The following RP1 variants were observed in gnomAD, a reference collection of about 807,000 sequenced individuals.
The protein encoded by RP1 is RP1 axonemal microtubule associated.
A neutral mutation model predicts 14.8 loss-of-function variants in RP1; 16 were observed. The observed-to-expected ratio is 1.08, with a 90% CI of 0.73 to 1.65. RP1 has a LOEUF of 1.65. Among genes scored for constraint, RP1 ranks in the 40% most tolerant of loss-of-function variants. The pLI, the probability that RP1 is intolerant of heterozygous loss-of-function variation, is 0.00. For missense variants in RP1, 2,631 were observed against 2,535.0 expected, an observed-to-expected ratio of 1.04 and a Z score of -0.81; for synonymous variants, 876 against 883.6, an observed-to-expected ratio of 0.99 and a Z score of 0.15.
At chr8:54,837,822 C>G (rs1057376524) in intron 25 of RP1, among the ~76,000 whole-genome samples, 4 of 152,216 alleles carry the variant, frequency 2.6e-5, no homozygotes, top group African/African-American at 9.6e-5. Context: ...CTGCTCAACT[C>G]TGCCAGTGTA....
At chr8:54,572,008 A>T (rs1804534649) in intron 1 of RP1, among the ~76,000 whole-genome samples, 1 of 152,194 alleles carries the variant, frequency 6.6e-6, no homozygotes, top group Non-Finnish European at 1.5e-5. Context: ...AAGGACTTCA[A>T]TATATTTTAA....
intron 1 of RP1, among the ~76,000 whole-genome samples, chr8:54,563,263 G>C (rs951973874): frequency 5.3e-5 from 8 of 152,160 alleles, no homozygotes; most frequent in Non-Finnish European, 1.0e-4. Context: ...AGGGCCTCTT[G>C]TTCCCTTGAC....
chr8:54,865,952 T>C (rs1812448771), intron 28 of RP1: 3 of 944,696 alleles, frequency 3.2e-6, no homozygotes, highest in Middle Eastern at 7.6e-4. Context: ...AAAATTATGC[T>C]CTCTTTGTCC....
At chr8:54,755,001 C>A in intron 20 of RP1, 3 of 1,371,474 alleles carry the variant, frequency 2.2e-6, no homozygotes, top group Non-Finnish European at 1.9e-6. Context: ...CTTAAATTTG[C>A]TTCTAAGCTA....
intron 24 of RP1, among the ~76,000 whole-genome samples, chr8:54,785,159 G>C (rs1298219293): frequency 6.6e-6 from 1 of 151,998 alleles, no homozygotes; most frequent in Non-Finnish European, 1.5e-5. Context: ...CCCATTAGAA[G>C]AAACTCTCCA....
intron 12 of RP1, among the ~76,000 whole-genome samples, chr8:54,688,489 A>G (rs1315747790): frequency 6.6e-6 from 1 of 152,090 alleles, no homozygotes; most frequent in African/African-American, 2.4e-5. Context: ...TAATTTTTGT[A>G]TAAGGTGTAA....
Position 54,627,280 on chromosome 8 carries a change from T to G in RP1, c.3398T>G (p.Leu1133Arg). Residue 1133 changes from leucine to arginine, a missense_variant, in exon 4 of 4, where the codon CTC (leucine) becomes CGC (arginine). Transcript: ENST00000220676. Reference sequence around the variant, plus strand: ...TCCACTAATCTCCTTCTAGCTTGGCTCTTGGTGCTAAACCTAAAGGGAAGT... The same window carrying G: ...TCCACTAATCTCCTTCTAGCTTGGCGCTTGGTGCTAAACCTAAAGGGAAGT... ...NSSTNLLLAWLLVLNLKGSMN... is the reference protein window; with the variant it reads ...NSSTNLLLAWRLVLNLKGSMN... The G allele has an allele frequency of 6.2e-7, 1 of 1,614,156 alleles. No homozygotes were observed. Among genetic ancestry groups the G allele is most frequent in the Non-Finnish European group, 8.5e-7 (1 of 1,179,976 alleles).
At chr8:54,794,795 TTGAAA>T (rs762900737) in intron 24 of RP1, among the ~76,000 whole-genome samples, 1 of 151,530 alleles carries the variant, frequency 6.6e-6, no homozygotes, top group African/African-American at 2.4e-5. Flanking sequence ...AGGCAATGAG[TTGAAA>T]TGAAATGGGA....
chr8:54,739,226 G>A (rs1430644872), intron 19 of RP1, among the ~76,000 whole-genome samples: 1 of 152,106 alleles, frequency 6.6e-6, no homozygotes, highest in Non-Finnish European at 1.5e-5. Context: ...TGACATAGCA[G>A]ATAGTTCTCT....
intron 1 of RP1, among the ~76,000 whole-genome samples, chr8:54,592,594 C>T (rs1805063916): frequency 6.6e-6 from 1 of 152,122 alleles, no homozygotes; most frequent in Non-Finnish European, 1.5e-5. Context: ...GTGTAATTCC[C>T]CGGGGTCGGA....
chr8:54,838,637 G>A (rs1180493772), intron 25 of RP1, among the ~76,000 whole-genome samples: 3 of 152,194 alleles, frequency 2.0e-5, no homozygotes, highest in African/African-American at 7.2e-5. Flanking sequence ...GTGCATGCAT[G>A]TGACACTATG....
chr8:54,807,686 C>CTCTA (rs1362937349), intron 24 of RP1, among the ~76,000 whole-genome samples: 1 of 150,816 alleles, frequency 6.6e-6, no homozygotes, highest in African/African-American at 2.4e-5. Context: ...ATTTATCTAT[C>CTCTA]TCTATCTATC....
intron 1 of RP1, among the ~76,000 whole-genome samples, chr8:54,602,342 C>T (rs1805312056): frequency 6.6e-6 from 1 of 152,178 alleles, no homozygotes; most frequent in African/African-American, 2.4e-5. Flanking sequence ...CAGCTTCATC[C>T]ACGTCCCTAC....
intron 3 of RP1, among the ~76,000 whole-genome samples, chr8:54,641,366 C>G (rs2129322648): frequency 6.6e-6 from 1 of 152,252 alleles, no homozygotes; most frequent in Admixed American, 6.5e-5. Flanking sequence ...GGCATGTAGA[C>G]AGACACAGGC....
At chr8:54,842,768 G>A (rs1811816695) in intron 25 of RP1, among the ~76,000 whole-genome samples, 1 of 152,122 alleles carries the variant, frequency 6.6e-6, no homozygotes, top group African/African-American at 2.4e-5. Flanking sequence ...TGTCCTACAA[G>A]GACCTACTTG....
intron 3 of RP1, among the ~76,000 whole-genome samples, chr8:54,646,707 T>A (rs1806557713): frequency 6.6e-6 from 1 of 152,310 alleles, no homozygotes; most frequent in African/African-American, 2.4e-5. Flanking sequence ...TCATATTTCA[T>A]TATTTTCATT....
At chr8:54,820,660 G>A (rs1251378199) in intron 24 of RP1, among the ~76,000 whole-genome samples, 2 of 152,136 alleles carry the variant, frequency 1.3e-5, no homozygotes, top group Non-Finnish European at 2.9e-5. Flanking sequence ...TGGAGGGCTG[G>A]TGTGGGCAGT....
At chr8:54,844,863 T>C (rs1350418054) in intron 25 of RP1, among the ~76,000 whole-genome samples, 1 of 152,172 alleles carries the variant, frequency 6.6e-6, no homozygotes, top group African/African-American at 2.4e-5. Context: ...GGAGAATGAA[T>C]GGCGCCACTG....
chr8:54,622,566 G>A (rs907794330), intron 3 of RP1, among the ~76,000 whole-genome samples: 1 of 152,168 alleles, frequency 6.6e-6, no homozygotes, highest in African/African-American at 2.4e-5. Flanking sequence ...AAATAAAAAT[G>A]CCAGCATTTC....
Sources: gnomAD v4.1 joint callset for allele counts (sites outside exome capture counted in the v4.1 genomes callset) on GRCh38, gnomAD v4.1.1 for gene constraint, MANE v1.5 for transcripts, NCBI Gene and HGNC (gene_info 2026-07-23, HGNC 2026-07-21) for gene names.